The following GSE1 variants were observed in gnomAD, a reference collection of about 807,000 sequenced individuals.
GSE1 encodes the protein Gse1 coiled-coil protein, also known as genetic suppressor element 1.
In GSE1, 32 loss-of-function variants were observed where a neutral mutation model predicts 112.6. That is an observed-to-expected ratio of 0.28 (90% CI 0.21 to 0.38). GSE1 has a LOEUF of 0.38. Among genes scored for constraint, GSE1 ranks in the 10% least tolerant of loss-of-function variants. The pLI is 1.00. For synonymous variants in GSE1, 1,115 were observed against 735.6 expected, an observed-to-expected ratio of 1.52 and a Z score of -8.35; for missense variants, 2,348 against 1,699.2, an observed-to-expected ratio of 1.38 and a Z score of -6.71.
intron 1 of GSE1, among the ~76,000 whole-genome samples, chr16:85,341,845 C>G (rs1482062106): frequency 6.6e-6 from 1 of 151,990 alleles, no homozygotes; most frequent in Non-Finnish European, 1.5e-5. Context: ...GGGCATCAGG[C>G]TTTAGGGAAT....
chr16:85,322,907 C>T (rs775034216), intron 1 of GSE1, among the ~76,000 whole-genome samples: 25 of 152,186 alleles, frequency 1.6e-4, no homozygotes, highest in Non-Finnish European at 3.2e-4. Context: ...TGAGCCACCA[C>T]GCCCAGCCTC....
Position 85,628,328 on chromosome 16 carries a change from G to C in GSE1, c.8-5586G>C, listed in dbSNP as rs550482702. ...CCTCAGGAGCCTGCAGCTGACACCG[G>C]GGCAGGGATGCTGCCCGCAGGGGAC... On this transcript the variant is annotated intron_variant, in intron 1 of 15. Coordinates refer to ENST00000253458, the MANE Select transcript of GSE1 (RefSeq NM_014615.5). Among the ~76,000 whole-genome samples, 10 of 152,348 alleles carry C rather than the reference G, an allele frequency of 6.6e-5. No homozygotes were observed. The East Asian group carries it at 1.9e-3, about 29-fold the overall frequency.
rs140978471 is a variant in GSE1 at position 85,375,522 on chromosome 16, G to A, written c.2464+17879G>A. 2.9e-3 allele frequency among the ~76,000 whole-genome samples: 435 copies of A among 152,356 alleles called. 1 individual carries two copies. Among genetic ancestry groups the A allele is most frequent in the African/African-American group, 9.5e-3 (394 of 41,584 alleles). On this transcript the variant is annotated intron_variant, in intron 2 of 2. Coordinates refer to the GSE1 transcript ENST00000637419. The stretch of plus-strand genomic sequence containing the variant: ...AGTGCTGGTGGGGTGCAGGGCAGCC[G>A]GATGCCAAGACCCTGAGACCCCCAA...
intron 1 of GSE1, among the ~76,000 whole-genome samples, chr16:85,590,884 GC>G (rs2046975415): frequency 6.6e-6 from 1 of 152,194 alleles, no homozygotes; most frequent in Non-Finnish European, 1.5e-5. Flanking sequence ...CCCAGGGCTA[GC>G]CGAGAATCCC....
intron 2 of GSE1, among the ~76,000 whole-genome samples, chr16:85,362,735 C>T (rs1597489142): frequency 1.3e-5 from 2 of 151,954 alleles, no homozygotes; most frequent in Admixed American, 1.3e-4. Context: ...TTGGGGCTGC[C>T]GTGTGGCACA....
chr16:85,520,017 C>T (rs1207500839), intron 2 of GSE1, among the ~76,000 whole-genome samples: 2 of 152,156 alleles, frequency 1.3e-5, no homozygotes, highest in Non-Finnish European at 2.9e-5. Context: ...TAGGGAGGCC[C>T]AGGACCCTGT....
chr16:85,603,003 AG>A (rs2047533157), intron 1 of GSE1, among the ~76,000 whole-genome samples: 1 of 152,210 alleles, frequency 6.6e-6, no homozygotes, highest in Admixed American at 6.5e-5. Flanking sequence ...CAGGCCTGCC[AG>A]GGTCACAGCT....
In GSE1 at chr16:85,356,401, G is replaced by A. The variant is rs573358737; in HGVS notation, c.2284-1062G>A. Among the ~76,000 whole-genome samples, 16 of 152,352 alleles carry A rather than the reference G, an allele frequency of 1.1e-4. No homozygotes were observed. The South Asian group carries it at 2.5e-3, about 24-fold the overall frequency. ...GGGGGCAGCACCCGGGGAGGGACAC[G>A]GCTGTCAGTGGTCAGTGGCCAGTGT... On this transcript the variant is annotated intron_variant, in intron 1 of 2. Coordinates refer to the GSE1 transcript ENST00000637419.
chr16:85,372,997 G>T (rs983515063), intron 2 of GSE1, among the ~76,000 whole-genome samples: 3 of 152,256 alleles, frequency 2.0e-5, no homozygotes, highest in African/African-American at 7.2e-5. Context: ...GTTACAGGAA[G>T]TCCACCGGTT....
intron 1 of GSE1, among the ~76,000 whole-genome samples, chr16:85,599,996 C>T (rs2047393234): frequency 1.3e-5 from 2 of 152,218 alleles, no homozygotes; most frequent in South Asian, 4.1e-4. Flanking sequence ...GGGGACCTGG[C>T]AAGGTCCCTC....
intron 1 of GSE1, among the ~76,000 whole-genome samples, chr16:85,228,120 GC>G (rs1392127584): frequency 2.0e-5 from 3 of 152,222 alleles, no homozygotes; most frequent in African/African-American, 7.2e-5. Flanking sequence ...ACGGGCAGAG[GC>G]CCCGAGGCAG....
At chr16:85,384,810 C>T (rs1359731391) in intron 2 of GSE1, among the ~76,000 whole-genome samples, 5 of 152,168 alleles carry the variant, frequency 3.3e-5, no homozygotes, top group Admixed American at 2.0e-4. Context: ...CCTCCAGCGC[C>T]AGGATCCAGG....
At chr16:85,640,023 G>T (rs1205643441) in intron 2 of GSE1, among the ~76,000 whole-genome samples, 1 of 152,214 alleles carries the variant, frequency 6.6e-6, no homozygotes, top group Non-Finnish European at 1.5e-5. Flanking sequence ...CCGGCGCTTT[G>T]GGAACAGGGT....
At chr16:85,254,140 C>A (rs926112772) in intron 1 of GSE1, among the ~76,000 whole-genome samples, 1 of 152,210 alleles carries the variant, frequency 6.6e-6, no homozygotes, top group Non-Finnish European at 1.5e-5. Context: ...TCTCACCTCT[C>A]GGGATCGCCC....
chr16:85,390,144 C>G (rs1438729055), intron 2 of GSE1, among the ~76,000 whole-genome samples: 1 of 152,184 alleles, frequency 6.6e-6, no homozygotes, highest in Non-Finnish European at 1.5e-5. Flanking sequence ...AATAGTTGTA[C>G]AAAGGGAACT....
intron 2 of GSE1, among the ~76,000 whole-genome samples, chr16:85,502,686 C>T (rs1294963688): frequency 1.3e-5 from 2 of 152,216 alleles, no homozygotes; most frequent in East Asian, 3.9e-4. Context: ...GGCAAGGCTA[C>T]CGCCGACCTG....
upstream of GSE1, among the ~76,000 whole-genome samples, chr16:85,552,835 G>A (rs2044993395): frequency 6.6e-6 from 1 of 152,230 alleles, no homozygotes; most frequent in Admixed American, 6.5e-5. Context: ...TACCATGCCT[G>A]TGATTGGCTC....
chr16:85,439,421 C>T (rs1450957995), intron 2 of GSE1, among the ~76,000 whole-genome samples: 1 of 152,224 alleles, frequency 6.6e-6, no homozygotes, highest in Non-Finnish European at 1.5e-5. Context: ...TGCCCCTCCA[C>T]CACTGGCTCA....
In GSE1 at chr16:85,481,969, G is replaced by C. The variant is rs186026808; in HGVS notation, c.2464+124326G>C. On this transcript the variant is annotated intron_variant, in intron 2 of 2. Coordinates refer to the GSE1 transcript ENST00000637419. Reference sequence around the variant, plus strand: ...CGGCCTGCTCCTCAAGGCCCTGGGGGCAGGGTGGCCGATGCCCTCGCCGGG... The same window carrying C: ...CGGCCTGCTCCTCAAGGCCCTGGGGCCAGGGTGGCCGATGCCCTCGCCGGG... Among the ~76,000 whole-genome samples, 540 of 152,386 alleles carry C rather than the reference G, an allele frequency of 3.5e-3. 12 individuals are homozygous for C. Among genetic ancestry groups the C allele is most frequent in the Admixed American group, 0.033 (501 of 15,312 alleles).
Sources: gnomAD v4.1 joint callset for allele counts (sites outside exome capture counted in the v4.1 genomes callset) on GRCh38, gnomAD v4.1.1 for gene constraint, MANE v1.5 for transcripts, NCBI Gene and HGNC (gene_info 2026-07-23, HGNC 2026-07-21) for gene names.